Variants in PYROXD1 observed in about 807,000 individuals in gnomAD.
PYROXD1 encodes tRNA ligase complex-associated NAD(P)H dehydrogenase PYROXD1.
In PYROXD1, 42 loss-of-function variants were observed where a neutral mutation model predicts 62.0. That is an observed-to-expected ratio of 0.68 (90% CI 0.53 to 0.88). The LOEUF (loss-of-function observed/expected upper bound fraction) is 0.88, where lower values mean the gene tolerates loss of function less well. Ranked by LOEUF, PYROXD1 falls within the 40% of genes least tolerant of loss-of-function variation. The probability of loss-of-function intolerance (pLI) is 0.00; values close to 1 mark genes in which losing one functional copy is unlikely to be tolerated. For synonymous variants in PYROXD1, 170 were observed against 206.4 expected (o/e 0.82, Z 1.51); for missense variants, 493 against 604.8 (o/e 0.82, Z 1.94).
chr12:21,456,193 T>C lies in PYROXD1; in HGVS notation c.750+98T>C, dbSNP rs4367993. The C allele has an allele frequency of 0.98, 701,250 of 713,966 alleles. 345,395 individuals carry two copies. Among genetic ancestry groups the C allele is most frequent in the East Asian group, 1 (35,780 of 35,780 alleles). The allele number at this position is 713,966 out of a possible 1,614,324, so 44.2% of individuals were successfully genotyped here. A position where few individuals can be genotyped will look rare whatever the true frequency, so the allele number is the denominator to read the frequency against. On this transcript the variant is annotated intron_variant, in intron 7 of 11. Coordinates refer to ENST00000240651, the MANE Select transcript of PYROXD1 (RefSeq NM_024854.5). Reference sequence around the variant, plus strand: ...TAATAAATATATAGTCAACGAACTGTTAGGTCACTTTACTTAAAATCCATA... The same window carrying C: ...TAATAAATATATAGTCAACGAACTGCTAGGTCACTTTACTTAAAATCCATA...
In PYROXD1 at chr12:21,462,000, T is replaced by C. The variant is rs76051172; in HGVS notation, c.881-8T>C. On this transcript the variant is annotated splice_region_variant and splice_polypyrimidine_tract_variant and intron_variant, in intron 8 of 11. Coordinates refer to ENST00000240651, the MANE Select transcript of PYROXD1 (RefSeq NM_024854.5). ...AAAGTCTGTTTTTTTGGTTTTTTTT[T>C]CTTAAAGAGATGTGGCCTGTCTATG... The C allele has an allele frequency of 6.3e-7, 1 of 1,593,902 alleles. No individual in the cohort carries two copies. The highest frequency in any genetic ancestry group is 8.6e-7 in the Non-Finnish European group (1 of 1,166,030).
rs1427958525 is a variant in PYROXD1, at chr12:21,471,104, GA to G, written c.*2354del. The G allele has an allele frequency of 2.6e-6, 4 of 1,559,108 alleles. No individual in the cohort carries two copies. Among genetic ancestry groups the G allele is most frequent in the Admixed American group, 4.5e-5 (2 of 44,538 alleles). Reference sequence around the variant, plus strand: ...CTGTAAAACTGTAGTCTTCTCTGCAGAAAATAAAGGCCAACAATAAGAAAGC... The same window carrying G: ...CTGTAAAACTGTAGTCTTCTCTGCAGAAATAAAGGCCAACAATAAGAAAGC... On this transcript the variant is annotated 3_prime_UTR_variant, in exon 12 of 12. Transcript: ENST00000240651.
At chr12:21,468,450 C>G (rs1229245297) in intron 11 of PYROXD1, 56 bp from the exon 12 acceptor site, 3 of 1,485,496 alleles carry the variant, frequency 2.0e-6, no homozygotes, top group Non-Finnish European at 2.8e-6. Flanking sequence ...AAATAACTAC[C>G]CATTACATTT....
At chr12:21,454,859 T>C (rs1269394575) in intron 5 of PYROXD1, 2 of 218,872 alleles carry the variant, frequency 9.1e-6, no homozygotes, top group Non-Finnish European at 1.8e-5. Flanking sequence ...TTTCTAATGA[T>C]GTACACTGTA....
At position 21,468,756 on chromosome 12, in the gene PYROXD1, A is replaced by G; in HGVS notation, c.*2A>G. On this transcript the variant is annotated 3_prime_UTR_variant, in exon 12 of 12. Coordinates refer to ENST00000240651, the MANE Select transcript of PYROXD1 (RefSeq NM_024854.5). ...GATATAGAAGATTATTTTGACTAAAAATGGAATTTCTTCAGGAATCATATA... is the reference window on the plus strand; with the variant it reads ...GATATAGAAGATTATTTTGACTAAAGATGGAATTTCTTCAGGAATCATATA... 6.2e-7 allele frequency: 1 copy of G among 1,601,256 alleles called. No individual in the cohort carries two copies. Among genetic ancestry groups the G allele is most frequent in the South Asian group, 1.1e-5 (1 of 89,576 alleles).
intron 1 of PYROXD1, among the ~76,000 whole-genome samples, chr12:21,439,199 T>C (rs1942250486): frequency 6.6e-6 from 1 of 152,170 alleles, no homozygotes; most frequent in Admixed American, 6.5e-5. Context: ...AATTTACAAG[T>C]AGTCAAATGT....
At chr12:21,445,527 G>A in intron 3 of PYROXD1, 61 bp downstream of exon 3, 1 of 1,480,190 alleles carries the variant, frequency 6.8e-7, no homozygotes, top group Non-Finnish European at 9.0e-7. Flanking sequence ...AGTTTTGCCT[G>A]CCTCTTTTCA....
At chr12:21,452,863 T>C (rs1165032326) in intron 5 of PYROXD1, among the ~76,000 whole-genome samples, 7 of 151,238 alleles carry the variant, frequency 4.6e-5, no homozygotes, top group African/African-American at 1.7e-4. Flanking sequence ...AAATAAGGAC[T>C]CTGCCAAAGC....
At chr12:21,465,036 A>C (rs1337147512) in intron 10 of PYROXD1, among the ~76,000 whole-genome samples, 2 of 152,148 alleles carry the variant, frequency 1.3e-5, no homozygotes, top group Non-Finnish European at 2.9e-5. Flanking sequence ...TCCATGGTGT[A>C]TATGTGCCAC....
intron 3 of PYROXD1, among the ~76,000 whole-genome samples, chr12:21,446,067 T>G (rs575730657): frequency 6.6e-6 from 1 of 152,268 alleles, no homozygotes; most frequent in South Asian, 2.1e-4. Context: ...TAAAGGAGAT[T>G]GGCAATCAAG....
At position 21,449,683 on chromosome 12, in the gene PYROXD1, A is replaced by T; in HGVS notation, c.406A>T (p.Ser136Cys). The change falls in exon 4 of 12, where the codon AGT becomes TGT. Residue 136 changes from serine to cysteine, a missense_variant. Ser to Cys is a moderately radical substitution (Grantham distance 112). Around this residue, in one of 2 missense-constraint regions of PYROXD1, gnomAD observed 329 missense variants for 446.6 expected, o/e 0.74. Transcript: ENST00000240651. ...TGTATTAGGAATCCGTGATACAGAC[A>T]GTGCTCAGGTAACATTTTAAGGTTG... ...PYVLGIRDTD[S>C]AQEFQKQLTK... is the part of the protein sequence containing the mutation. The T allele has an allele frequency of 6.2e-7, 1 of 1,606,794 alleles. No homozygotes were observed.
intron 2 of PYROXD1, among the ~76,000 whole-genome samples, chr12:21,442,936 TC>T (rs1297119177): frequency 4.6e-5 from 7 of 152,196 alleles, no homozygotes; most frequent in Non-Finnish European, 1.0e-4. Context: ...ATTTTCATGC[TC>T]CACTGTGTTG....
At chr12:21,458,076 A>G (rs1277624087) in intron 7 of PYROXD1, among the ~76,000 whole-genome samples, 2 of 152,186 alleles carry the variant, frequency 1.3e-5, no homozygotes, top group African/African-American at 4.8e-5. Flanking sequence ...GAAGCCAGGC[A>G]TTGACTTCTC....
At chr12:21,467,028 G>C (rs1449611415) in intron 10 of PYROXD1, among the ~76,000 whole-genome samples, 1 of 152,032 alleles carries the variant, frequency 6.6e-6, no homozygotes, top group Non-Finnish European at 1.5e-5. Flanking sequence ...GTCTTGGTGA[G>C]GCACCAAGAG....
chr12:21,456,227 A>T (rs1284077209), intron 7 of PYROXD1, 132 bp downstream of exon 7: 1 of 601,382 alleles, frequency 1.7e-6, no homozygotes, highest in Non-Finnish European at 2.9e-6. Flanking sequence ...TAGTGTTAGG[A>T]AAAGACCTCC....
chr12:21,441,056 C>T (rs993155439), intron 2 of PYROXD1, among the ~76,000 whole-genome samples: 1 of 151,964 alleles, frequency 6.6e-6, no homozygotes, highest in Non-Finnish European at 1.5e-5. Flanking sequence ...GGAGTCTCAC[C>T]CTGTTGCCCA....
intron 11 of PYROXD1, 86 bp from the exon 12 acceptor site, chr12:21,468,420 G>A (rs575692058): frequency 1.0e-4 from 126 of 1,248,076 alleles, no homozygotes; most frequent in Non-Finnish European, 1.4e-4. Flanking sequence ...AGTTTTCTGC[G>A]GCTATTCAAA....
At chr12:21,448,827 A>G (rs1300882303) in intron 3 of PYROXD1, among the ~76,000 whole-genome samples, 1 of 152,192 alleles carries the variant, frequency 6.6e-6, no homozygotes, top group Non-Finnish European at 1.5e-5. Context: ...CAAAAGCAAT[A>G]TATCTCTGAT....
At position 21,452,143 on chromosome 12, in the gene PYROXD1, A is replaced by G; in HGVS notation, c.477A>G (p.Ala159=). ...RIMIIGNGGI[A]LELVYEIEGC... ...TGATCATAGGGAACGGTGGTATTGC[A>G]CTTGAGTTAGTGTAAGTATATATTT... The change falls in exon 5 of 12, where the codon GCA becomes GCG. Residue 159 remains alanine (A), a synonymous_variant. Transcript: ENST00000240651. 1 of 1,570,240 alleles carries G rather than the reference A, an allele frequency of 6.4e-7. No homozygotes were observed. Among genetic ancestry groups the G allele is most frequent in the African/African-American group, 1.4e-5 (1 of 73,488 alleles).
Sources: gnomAD v4.1 joint callset for allele counts (sites outside exome capture counted in the v4.1 genomes callset) on GRCh38, gnomAD v4.1.1 for gene constraint, gnomAD v4.1.1 regional missense constraint, MANE v1.5 for transcripts, NCBI Gene and HGNC (gene_info 2026-07-23, HGNC 2026-07-21) for gene names.